Variants in CFAP20DC observed in about 807,000 individuals in gnomAD.
CFAP20DC encodes CFAP20 domain containing.
Under a neutral mutation model 101.7 loss-of-function variants are expected in CFAP20DC, and 84 were observed. That is an observed-to-expected ratio of 0.83 (90% CI 0.69 to 0.99). The LOEUF is 0.99. CFAP20DC is among the 50% of genes least tolerant of loss of function. The probability of loss-of-function intolerance (pLI) is 0.00; values close to 1 mark genes in which losing one functional copy is unlikely to be tolerated. For synonymous variants in CFAP20DC, 359 were observed against 351.2 expected, an observed-to-expected ratio of 1.02 and a Z score of -0.25; for missense variants, 1,007 against 970.3, an observed-to-expected ratio of 1.04 and a Z score of -0.50.
At chr3:58,907,430 G>A (rs1456128008) in intron 6 of CFAP20DC, among the ~76,000 whole-genome samples, 1 of 152,200 alleles carries the variant, frequency 6.6e-6, no homozygotes, top group Non-Finnish European at 1.5e-5. Context: ...CAGGGAAGCA[G>A]GGGCTGCATC....
rs2080537488 is a variant in CFAP20DC, at chr3:58,874,223, C to A, written c.716-3914G>T. On this transcript the variant is annotated intron_variant, in intron 7 of 16. Coordinates refer to ENST00000482387, the MANE Select transcript of CFAP20DC (RefSeq NM_001394063.1). The surrounding 1 kb of genome is among the most constrained non-coding windows in gnomAD (Gnocchi z 5.1). ...AGAATCTAGGTGTCATGCTTGACAC[C>A]TTCCCCTGATCTCTCCATATCCCAT... 6.6e-6 allele frequency among the ~76,000 whole-genome samples: 1 copy of A among 152,112 alleles called. No homozygotes were observed. Among genetic ancestry groups the A allele is most frequent in the Non-Finnish European group, 1.5e-5 (1 of 68,016 alleles).
At chr3:58,933,947 C>T (rs1446338630) in intron 5 of CFAP20DC, among the ~76,000 whole-genome samples, 1 of 151,704 alleles carries the variant, frequency 6.6e-6, no homozygotes, top group Non-Finnish European at 1.5e-5. Flanking sequence ...GAAATAGAGA[C>T]ACAAAAAACC....
Position 58,869,762 on chromosome 3 carries a change from C to T in CFAP20DC, c.853-272G>A, listed in dbSNP as rs2079987054. Among the ~76,000 whole-genome samples the T allele has an allele frequency of 6.6e-6, 1 of 151,578 alleles. No homozygotes were observed. On this transcript the variant is annotated intron_variant, in intron 8 of 16. Coordinates refer to ENST00000482387, the MANE Select transcript of CFAP20DC (RefSeq NM_001394063.1). The surrounding 1 kb of genome is among the most constrained non-coding windows in gnomAD (Gnocchi z 4.3). ...CACTCCATCTTCAGTAGGTAGAAGC[C>T]GAATTAAAAATCACGCGTATGTCAG...
Position 58,861,653 on chromosome 3 carries a change from G to C in CFAP20DC, c.1593+1905C>G. On this transcript the variant is annotated intron_variant, in intron 12 of 16. Transcript: ENST00000482387. The surrounding 1 kb of genome is among the most constrained non-coding windows in gnomAD (Gnocchi z 4.0). ...TTGTATCTTAGCTTGTATCTCGTTA[G>C]TCTCTGTACCAGCAAACCCCAAAGC... 2 of 985,414 alleles carry C rather than the reference G, an allele frequency of 2.0e-6. No individual in the cohort carries two copies. The highest frequency in any genetic ancestry group is 2.4e-6 in the Non-Finnish European group (2 of 829,932). 61.0% of individuals were successfully genotyped at this position (985,414 alleles called of 1,614,324 possible). A position where few individuals can be genotyped will look rare whatever the true frequency, so the allele number is the denominator to read the frequency against.
chr3:58,950,059 C>A (rs1397047937), intron 4 of CFAP20DC, among the ~76,000 whole-genome samples: 1 of 152,154 alleles, frequency 6.6e-6, no homozygotes, highest in East Asian at 1.9e-4. Flanking sequence ...AGCTGATAGG[C>A]AACTTCAGCA....
intron 5 of CFAP20DC, chr3:58,915,051 G>T (rs919283995): frequency 2.6e-5 from 4 of 152,158 alleles, no homozygotes; most frequent in Non-Finnish European, 5.9e-5. Context: ...TCTGGAGAGG[G>T]TAAAGCATCA....
At chr3:58,875,050 T>A (rs1258335813) in intron 7 of CFAP20DC, among the ~76,000 whole-genome samples, 1 of 152,162 alleles carries the variant, frequency 6.6e-6, no homozygotes, top group Admixed American at 6.5e-5. Context: ...AAAGGAAGAC[T>A]AGGCAGGTCT....
rs2084337225 is a variant in CFAP20DC, at chr3:58,913,310, C to T, written c.550+398G>A. ...CCTTAGATAAGTCTTGTGGGAGAGG[C>T]TGGATTCTTCTTGACTATAGGCTCT... On this transcript the variant is annotated intron_variant, in intron 6 of 16. Coordinates refer to ENST00000482387, the MANE Select transcript of CFAP20DC (RefSeq NM_001394063.1). This position sits in a 1 kb window ranked among gnomAD's most constrained non-coding sequence, Gnocchi z 4.4. Among the ~76,000 whole-genome samples the T allele has an allele frequency of 6.6e-6, 1 of 152,036 alleles. No individual in the cohort carries two copies. The highest frequency in any genetic ancestry group is 2.1e-4 in the South Asian group (1 of 4,804).
In CFAP20DC at chr3:58,863,593, CT is replaced by C. The variant is rs2079430462; in HGVS notation, c.1557del (p.Glu520ArgfsTer30). The C allele has an allele frequency of 6.2e-7, 1 of 1,614,176 alleles. No individual in the cohort carries two copies. Among genetic ancestry groups the C allele is most frequent in the Non-Finnish European group, 8.5e-7 (1 of 1,180,024 alleles). ...CTGTCGCCGCCGTAAAAATCATCCT[CT>C]GATTGGGTGTCTCTGCTTGTCACAC... The part of the protein sequence containing the change: ...DNSVTSRDTQ[S>X]EDDFYGGDSS... On this transcript the variant is annotated frameshift_variant, in exon 12 of 17. Coordinates refer to ENST00000482387, the MANE Select transcript of CFAP20DC (RefSeq NM_001394063.1). LOFTEE classifies it high-confidence loss of function. This position sits in a 1 kb window ranked among gnomAD's most constrained non-coding sequence, Gnocchi z 5.9.
chr3:58,725,403 C>G (rs1043966405), intron 3 of CFAP20DC, among the ~76,000 whole-genome samples: 1 of 152,184 alleles, frequency 6.6e-6, no homozygotes, highest in Non-Finnish European at 1.5e-5. Context: ...TCCCAGCACC[C>G]TTTCCCCCTG....
rs1297484435 is a variant in CFAP20DC, at chr3:58,869,404, G to A, written c.939C>T (p.Ala313=). 1 of 1,613,562 alleles carries A rather than the reference G, an allele frequency of 6.2e-7. No homozygotes were observed. The highest frequency in any genetic ancestry group is 8.5e-7 in the Non-Finnish European group (1 of 1,179,558). ...GTTCCTCAGACTCAGGTATCAGCAA[G>A]GCTGACATTTCTGTACCATTAACAC... ...EKCVNGTEMS[A]LLIPESEEQG... The change falls in exon 9 of 17, where the codon GCC becomes GCT. Residue 313 remains alanine (A), a synonymous_variant. Coordinates refer to ENST00000482387, the MANE Select transcript of CFAP20DC (RefSeq NM_001394063.1). This position sits in a 1 kb window ranked among gnomAD's most constrained non-coding sequence, Gnocchi z 4.3.
At chr3:58,987,052 A>G (rs2092776406) in intron 4 of CFAP20DC, among the ~76,000 whole-genome samples, 1 of 152,170 alleles carries the variant, frequency 6.6e-6, no homozygotes, top group Non-Finnish European at 1.5e-5. Flanking sequence ...TAATTTTTTA[A>G]TAAAAAAGGA....
intron 14 of CFAP20DC, among the ~76,000 whole-genome samples, chr3:58,816,344 G>T (rs2075135266): frequency 6.6e-6 from 1 of 152,184 alleles, no homozygotes; most frequent in Admixed American, 6.5e-5. Flanking sequence ...GAGCGACGCA[G>T]AAGACGGGTG....
At chr3:58,981,752 C>T (rs2092556628) in intron 4 of CFAP20DC, among the ~76,000 whole-genome samples, 1 of 152,146 alleles carries the variant, frequency 6.6e-6, no homozygotes, top group African/African-American at 2.4e-5. Flanking sequence ...ACCATAAAAA[C>T]CCTAGAAGAA....
chr3:58,954,547 T>G lies in CFAP20DC; in HGVS notation c.279-16785A>C, dbSNP rs533992083. 6.3e-4 allele frequency among the ~76,000 whole-genome samples: 96 copies of G among 152,320 alleles called. 2 individuals are homozygous for G. The South Asian group carries it at 0.019, about 31-fold the overall frequency. ...TTGCAAAATAGCCTGTTTAAATATG[T>G]AAAACGTTTCGATATATATTATATG... On this transcript the variant is annotated intron_variant, in intron 4 of 16. Coordinates refer to ENST00000482387, the MANE Select transcript of CFAP20DC (RefSeq NM_001394063.1).
At position 58,869,564 on chromosome 3, in the gene CFAP20DC, CAT is replaced by C; in HGVS notation, c.853-76_853-75del. ...TTTTCTGTAGAAGCTATATAGAAAA[CAT>C]AATATTTGGACCAATGAAGAGTGAG... is the stretch of plus-strand genomic sequence containing the variant. On this transcript the variant is annotated intron_variant, in intron 8 of 16. Coordinates refer to ENST00000482387, the MANE Select transcript of CFAP20DC (RefSeq NM_001394063.1). The surrounding 1 kb of genome is among the most constrained non-coding windows in gnomAD (Gnocchi z 4.3). 1 of 1,211,000 alleles carries C rather than the reference CAT, an allele frequency of 8.3e-7. No individual in the cohort carries two copies. The highest frequency in any genetic ancestry group is 1.1e-6 in the Non-Finnish European group (1 of 892,248). 75.0% of individuals were successfully genotyped at this position (1,211,000 alleles called of 1,614,324 possible).
intron 7 of CFAP20DC, among the ~76,000 whole-genome samples, chr3:58,883,165 T>C (rs1463423977): frequency 2.0e-5 from 3 of 152,232 alleles, no homozygotes; most frequent in Non-Finnish European, 4.4e-5. Flanking sequence ...CTCATCCCCA[T>C]CTATTACCTG....
intron 4 of CFAP20DC, among the ~76,000 whole-genome samples, chr3:58,951,698 A>T (rs996228864): frequency 6.6e-6 from 1 of 151,606 alleles, no homozygotes; most frequent in Admixed American, 6.6e-5. Flanking sequence ...ATAGGTGGGA[A>T]TTGAACAATG....
chr3:58,717,042 T>A (rs947895311), downstream of CFAP20DC, among the ~76,000 whole-genome samples: 4 of 151,928 alleles, frequency 2.6e-5, no homozygotes, highest in African/African-American at 9.7e-5. This position sits in a 1 kb window ranked among gnomAD's most constrained non-coding sequence, Gnocchi z 4.1. Flanking sequence ...TTTAGTCAGC[T>A]ATTCCCCCAT....
Sources: gnomAD v4.1 joint callset for allele counts (sites outside exome capture counted in the v4.1 genomes callset) on GRCh38, gnomAD v4.1.1 for gene constraint, Gnocchi (gnomAD v3.1) non-coding constraint, MANE v1.5 for transcripts, NCBI Gene and HGNC (gene_info 2026-07-23, HGNC 2026-07-21) for gene names.